TLN2: variants seen among roughly 807,000 people sequenced by gnomAD.
The protein encoded by TLN2 is talin 2.
In TLN2, 118 loss-of-function variants were observed where a neutral mutation model predicts 294.7. The observed-to-expected ratio is 0.40, with a 90% CI of 0.34 to 0.47. TLN2 has a LOEUF of 0.47. Among genes scored for constraint, TLN2 ranks in the 20% least tolerant of loss-of-function variants. The pLI is 0.84. For synonymous variants in TLN2, 1,431 were observed against 1,304.5 expected (o/e 1.10, Z -2.09); for missense variants, 3,083 against 3,282.2 (o/e 0.94, Z 1.48).
At position 62,800,457 on chromosome 15, in the gene TLN2, C is replaced by T. The variant is rs575362362; in HGVS notation, c.6324C>T (p.Asp2108=). ...AGGGAGCTGCCAGCAAGCCAGTGGA[C>T]GACCCTTCCATGTACCAGCTCAAGG... ...ATKGAASKPV[D]DPSMYQLKGA... The change falls in exon 49 of 59, where the codon GAC becomes GAT. Residue 2108 remains aspartate (D), a synonymous_variant. Transcript: ENST00000636159. 2.7e-5 allele frequency: 44 copies of T among 1,614,216 alleles called. No individual in the cohort carries two copies. The highest frequency in any genetic ancestry group is 1.7e-4 in the Middle Eastern group (1 of 6,058).
intron 1 of TLN2, among the ~76,000 whole-genome samples, chr15:62,570,425 C>G (rs994831805): frequency 6.6e-6 from 1 of 152,240 alleles, no homozygotes. Context: ...TGCCAGAAGT[C>G]ATGGCATCAA....
At chr15:62,740,141 T>G (rs1228023215) in intron 31 of TLN2, among the ~76,000 whole-genome samples, 1 of 151,680 alleles carries the variant, frequency 6.6e-6, no homozygotes, top group Admixed American at 6.6e-5. Context: ...GTTTCTCAGA[T>G]GGCAACCGGG....
intron 1 of TLN2, among the ~76,000 whole-genome samples, chr15:62,442,933 C>G (rs1462723681): frequency 6.6e-6 from 1 of 152,136 alleles, no homozygotes; most frequent in Non-Finnish European, 1.5e-5. Flanking sequence ...GTGGTCCTAT[C>G]TTCCGTCTTC....
In TLN2 at chr15:62,602,372, C is replaced by A. The variant is rs901424759; in HGVS notation, c.-162+12610C>A. ...TGAATAGGACTTCTCTCTGTGATTG[C>A]GCCACCAATTGGATACATAGTTAAG... On this transcript the variant is annotated intron_variant, in intron 2 of 58. Coordinates refer to ENST00000636159, the MANE Select transcript of TLN2 (RefSeq NM_015059.3). Among the ~76,000 whole-genome samples, 7 of 152,212 alleles carry A rather than the reference C, an allele frequency of 4.6e-5. No individual in the cohort carries two copies. In the South Asian group the frequency reaches 1.3e-3, roughly 27 times the overall value.
Position 62,763,710 on chromosome 15 carries a change from TG to T in TLN2, c.5094+20del. The stretch of plus-strand genomic sequence containing the variant: ...TCTCTGTGGAGGTAAGCTGGGAATC[TG>T]GGGGCCTGCTTAGTCGCCTCTAGAT... On this transcript the variant is annotated intron_variant, in intron 40 of 58. Coordinates refer to ENST00000636159, the MANE Select transcript of TLN2 (RefSeq NM_015059.3). The T allele has an allele frequency of 1.9e-6, 3 of 1,593,616 alleles. No homozygotes were observed. The highest frequency in any genetic ancestry group is 1.7e-6 in the Non-Finnish European group (2 of 1,168,266).
intron 28 of TLN2, 58 bp downstream of exon 28, chr15:62,727,247 G>T: frequency 1.4e-6 from 2 of 1,458,464 alleles, no homozygotes; most frequent in Admixed American, 3.9e-5. Context: ...GGTGTAGTGG[G>T]GGAGGAGGAG....
chr15:62,699,366 G>T (rs1230008134), intron 16 of TLN2, among the ~76,000 whole-genome samples: 1 of 151,894 alleles, frequency 6.6e-6, no homozygotes, highest in Non-Finnish European at 1.5e-5. Context: ...TAAAATGAAT[G>T]TTGCTGGACT....
intron 52 of TLN2, 45 bp from the exon 53 acceptor site, chr15:62,819,471 T>G (rs1420923162): frequency 4.6e-6 from 7 of 1,508,026 alleles, no homozygotes; most frequent in Non-Finnish European, 6.5e-6. Flanking sequence ...CCTGTCCCAG[T>G]GGTTACTATC....
At chr15:62,640,032 T>C (rs1305838595) in intron 3 of TLN2, 7 of 399,360 alleles carry the variant, frequency 1.8e-5, no homozygotes, top group Admixed American at 5.5e-5. Context: ...GGAGTCTGAA[T>C]GTTCAAGGCA....
intron 1 of TLN2, among the ~76,000 whole-genome samples, chr15:62,561,068 A>G (rs1490631075): frequency 6.6e-6 from 1 of 152,262 alleles, no homozygotes; most frequent in African/African-American, 2.4e-5. Flanking sequence ...AAGACGGAAG[A>G]AAGAGAACTA....
chr15:62,531,797 A>AT lies in TLN2; in HGVS notation c.-237-57883dup, dbSNP rs371867958. On this transcript the variant is annotated intron_variant, in intron 1 of 58. Transcript: ENST00000636159. ...CCCACTGAACCTGAAAACATGGTAG[A>AT]TTTTTTTCCCCCTAATACTACTATG... 1.1e-3 allele frequency among the ~76,000 whole-genome samples: 174 copies of AT among 152,194 alleles called. 1 individual carries two copies. Among genetic ancestry groups the AT allele is most frequent in the African/African-American group, 3.8e-3 (158 of 41,534 alleles).
intron 1 of TLN2, among the ~76,000 whole-genome samples, chr15:62,399,106 G>A (rs117005221): frequency 0.014 from 2,166 of 152,070 alleles, 24 homozygotes; most frequent in Non-Finnish European, 0.023. Flanking sequence ...CCAAGCCGTG[G>A]CAGCTTCCAG....
chr15:62,423,859 C>T (rs986143499), intron 1 of TLN2, among the ~76,000 whole-genome samples: 2 of 152,204 alleles, frequency 1.3e-5, no homozygotes, highest in African/African-American at 4.8e-5. Context: ...GGATTACAGG[C>T]GTGAGCAACC....
At position 62,569,300 on chromosome 15, in the gene TLN2, T is replaced by C. The variant is rs573729030; in HGVS notation, c.-237-20387T>C. 3.3e-5 allele frequency among the ~76,000 whole-genome samples: 5 copies of C among 152,314 alleles called. No individual in the cohort carries two copies. The South Asian group carries it at 1.0e-3, about 32-fold the overall frequency. On this transcript the variant is annotated intron_variant, in intron 1 of 58. Coordinates refer to ENST00000636159, the MANE Select transcript of TLN2 (RefSeq NM_015059.3). ...AATTAAGATGTAGGTATATCTTTAG[T>C]GGGGGCCACCATTCAACTCCTACAG...
intron 11 of TLN2, among the ~76,000 whole-genome samples, chr15:62,684,637 T>TG (rs147124693): frequency 0.02 from 3,098 of 152,032 alleles, 106 homozygotes; most frequent in African/African-American, 0.065. Context: ...TGAGGGCGGT[T>TG]GGGGGTGGGT....
chr15:62,637,465 A>G (rs1596438498), intron 3 of TLN2: 2 of 152,086 alleles, frequency 1.3e-5, no homozygotes, highest in Admixed American at 1.3e-4. Context: ...ATTGCTCGAG[A>G]GCTGACACAG....
At chr15:62,798,346 C>T (rs1441767240) in intron 48 of TLN2, among the ~76,000 whole-genome samples, 1 of 152,132 alleles carries the variant, frequency 6.6e-6, no homozygotes, top group African/African-American at 2.4e-5. Context: ...TCCTTGGTCC[C>T]CTTCCCAGAC....
At chr15:62,698,710 C>T (rs1383769270) in intron 15 of TLN2, 44 bp from the exon 16 acceptor site, 6 of 1,534,360 alleles carry the variant, frequency 3.9e-6, no homozygotes, top group Non-Finnish European at 5.4e-6. Context: ...CCATGTCGGT[C>T]CCAGGCGTGT....
At chr15:62,612,456 G>A (rs2140827650) in intron 2 of TLN2, among the ~76,000 whole-genome samples, 1 of 152,256 alleles carries the variant, frequency 6.6e-6, no homozygotes, top group Middle Eastern at 3.4e-3. Context: ...TTTGCCCTCT[G>A]TTTTTACCCT....
Sources: gnomAD v4.1 joint callset for allele counts (sites outside exome capture counted in the v4.1 genomes callset) on GRCh38, gnomAD v4.1.1 for gene constraint, MANE v1.5 for transcripts, NCBI Gene and HGNC (gene_info 2026-07-23, HGNC 2026-07-21) for gene names.